CACNA1I: variants seen among roughly 807,000 people sequenced by gnomAD.
CACNA1I encodes the protein voltage-dependent T-type calcium channel subunit alpha-1I.
CACNA1I carries 74 observed loss-of-function variants against 201.6 expected under a neutral mutation model. The ratio of observed to expected loss-of-function variants is 0.37; its 90% CI spans 0.30 to 0.45. The LOEUF (loss-of-function observed/expected upper bound fraction) is 0.45, where lower values mean the gene tolerates loss of function less well. Ranked by LOEUF, CACNA1I falls within the 20% of genes least tolerant of loss-of-function variation. The probability of loss-of-function intolerance (pLI) is 1.00; values close to 1 mark genes in which losing one functional copy is unlikely to be tolerated. For missense variants in CACNA1I, 2,346 were observed against 3,138.1 expected (o/e 0.75, Z 6.03); for synonymous variants, 1,431 against 1,345.2 (o/e 1.06, Z -1.40).
chr22:39,687,384 C>G lies in CACNA1I; in HGVS notation c.*979C>G, dbSNP rs1266659120. The G allele has an allele frequency of 6.6e-6, 1 of 152,330 alleles. No homozygotes were observed. The highest frequency in any genetic ancestry group is 1.5e-5 in the Non-Finnish European group (1 of 68,188). 9.4% of individuals were successfully genotyped at this position (152,330 alleles called of 1,614,324 possible). A position where few individuals can be genotyped will look rare whatever the true frequency, so the allele number is the denominator to read the frequency against. On this transcript the variant is annotated 3_prime_UTR_variant, in exon 37 of 37. Coordinates refer to ENST00000402142, the MANE Select transcript of CACNA1I (RefSeq NM_021096.4). Reference sequence around the variant, plus strand: ...GCTGGCTCCAGCTGCCCTGCAGGTGCCCCTGGGCTCAGGTAGTTAGTTGTT... The same window carrying G: ...GCTGGCTCCAGCTGCCCTGCAGGTGGCCCTGGGCTCAGGTAGTTAGTTGTT...
At chr22:39,619,225 C>T in intron 3 of CACNA1I, 85 bp from the exon 4 acceptor site, 1 of 989,648 alleles carries the variant, frequency 1.0e-6, no homozygotes, top group South Asian at 1.3e-5. Flanking sequence ...CAGTAGTGCG[C>T]AGGTGGCTGG....
At position 39,686,206 on chromosome 22, in the gene CACNA1I, G is replaced by A; in HGVS notation, c.6473G>A (p.Ser2158Asn). The A allele has an allele frequency of 7.9e-7, 1 of 1,259,040 alleles. No homozygotes were observed. Among genetic ancestry groups the A allele is most frequent in the Non-Finnish European group, 1.0e-6 (1 of 1,003,988 alleles). The allele number at this position is 1,259,040 out of a possible 1,614,324, so 78.0% of individuals were successfully genotyped here. A position where few individuals can be genotyped will look rare whatever the true frequency, so the allele number is the denominator to read the frequency against. The change falls in exon 37 of 37, where the codon AGC becomes AAC. Residue 2158 changes from serine to asparagine, a missense_variant. Physicochemically the swap from Ser to Asn is conservative, Grantham distance 46 (BLOSUM62 1). This residue lies in a region of CACNA1I where 187 missense variants were observed against 151.0 expected (regional missense o/e 1.24). Coordinates refer to ENST00000402142, the MANE Select transcript of CACNA1I (RefSeq NM_021096.4). ...TPARKFSSTS[S>N]LAAPGRPHAA... Reference sequence around the variant, plus strand: ...GCCAGGAAGTTCAGCAGCACCAGCAGCCTGGCCGCCCCCGGCCGCCCCCAC... The same window carrying A: ...GCCAGGAAGTTCAGCAGCACCAGCAACCTGGCCGCCCCCGGCCGCCCCCAC...
intron 16 of CACNA1I, 145 bp downstream of exon 16, chr22:39,661,455 G>A (rs1935011434): frequency 4.8e-6 from 3 of 622,266 alleles, no homozygotes; most frequent in Middle Eastern, 8.7e-4. Flanking sequence ...GCATTCCTGG[G>A]TGCCCAGTGC....
rs747940193 is a variant in CACNA1I at position 39,600,663 on chromosome 22, G to A, written c.482+10G>A. 38 of 1,593,012 alleles carry A rather than the reference G, an allele frequency of 2.4e-5. No homozygotes were observed. The highest frequency in any genetic ancestry group is 8.0e-5 in the South Asian group (7 of 87,332). On this transcript the variant is annotated intron_variant, in intron 3 of 36. Transcript: ENST00000402142. ...TCATCGTCATGGCAGGGTAGGTAGC[G>A]CCCGCCAGGCAGGTCCTAGCCTCTG...
intron 3 of CACNA1I, among the ~76,000 whole-genome samples, chr22:39,609,617 G>A (rs1933325248): frequency 6.6e-6 from 1 of 152,182 alleles, no homozygotes; most frequent in Admixed American, 6.5e-5. Flanking sequence ...TTTCTTTCCG[G>A]GATCCTTCCC....
chr22:39,674,138 C>A, intron 29 of CACNA1I, 105 bp downstream of exon 29: 2 of 1,060,480 alleles, frequency 1.9e-6, no homozygotes, highest in South Asian at 1.4e-5. Context: ...CTGCCAGAGC[C>A]AGGGCAGATG....
intron 1 of CACNA1I, among the ~76,000 whole-genome samples, chr22:39,586,380 C>G (rs948532599): frequency 6.6e-6 from 1 of 151,880 alleles, no homozygotes; most frequent in Non-Finnish European, 1.5e-5. Context: ...TAGTCCCAGA[C>G]ACTTGGGAAG....
At chr22:39,669,117 C>A (rs1398176880) in intron 24 of CACNA1I, among the ~76,000 whole-genome samples, 2 of 152,134 alleles carry the variant, frequency 1.3e-5, no homozygotes, top group Non-Finnish European at 2.9e-5. Context: ...TGTGTCCAGA[C>A]TGAGGGGGTC....
chr22:39,646,694 G>A lies in CACNA1I; in HGVS notation c.1275G>A (p.Val425=). 6.3e-7 allele frequency: 1 copy of A among 1,591,340 alleles called. No homozygotes were observed. The highest frequency in any genetic ancestry group is 1.3e-5 in the African/African-American group (1 of 74,530). The change falls in exon 8 of 37, where the codon GTG becomes GTA. Residue 425 remains valine, a synonymous_variant. Coordinates refer to ENST00000402142, the MANE Select transcript of CACNA1I (RefSeq NM_021096.4). ...QRQRYLSSST[V]ASYAEPGDCY... ...AGCGCTACCTGTCCTCCAGCACGGT[G>A]GCCAGCTACGCCGAGCCTGGCGACT... is the stretch of plus-strand genomic sequence containing the variant.
Position 39,676,128 on chromosome 22 carries a change from G to T in CACNA1I, c.4855-1213G>T, listed in dbSNP as rs913548981. 2.0e-5 allele frequency among the ~76,000 whole-genome samples: 3 copies of T among 152,212 alleles called. No homozygotes were observed. Among genetic ancestry groups the T allele is most frequent in the Non-Finnish European group, 4.4e-5 (3 of 68,040 alleles). Reference sequence around the variant, plus strand: ...TGCCGGCTCTGAGATGCTGACAGCAGGGAGGGGACAGATAGAAAAGCTGAC... The same window carrying T: ...TGCCGGCTCTGAGATGCTGACAGCATGGAGGGGACAGATAGAAAAGCTGAC... On this transcript the variant is annotated intron_variant, in intron 29 of 36. Transcript: ENST00000402142. The surrounding 1 kb of genome is among the most constrained non-coding windows in gnomAD (Gnocchi z 4.8).
intron 7 of CACNA1I, among the ~76,000 whole-genome samples, chr22:39,645,936 G>A (rs1387364253): frequency 1.3e-5 from 2 of 152,216 alleles, no homozygotes; most frequent in Non-Finnish European, 2.9e-5. Context: ...TGGGGTCCCA[G>A]CTGAGGCCAG....
intron 1 of CACNA1I, among the ~76,000 whole-genome samples, chr22:39,586,547 T>C (rs1464466080): frequency 6.6e-5 from 10 of 150,810 alleles, no homozygotes; most frequent in Admixed American, 6.6e-4. Context: ...AAAAGGGGCT[T>C]GTGGCACAGA....
rs1240871922 is a variant in CACNA1I, at chr22:39,642,901, G to T, written c.1149+12G>T. ...TCCTGCTTATCATAGTAAGTGTCAG[G>T]GAGCCTGGGCTCCTAGGTGTGCTCA... On this transcript the variant is annotated intron_variant, in intron 7 of 36. Coordinates refer to ENST00000402142, the MANE Select transcript of CACNA1I (RefSeq NM_021096.4). The T allele has an allele frequency of 1.3e-6, 2 of 1,567,000 alleles. No homozygotes were observed. Among genetic ancestry groups the T allele is most frequent in the East Asian group, 4.5e-5 (2 of 44,040 alleles).
At position 39,570,974 on chromosome 22, in the gene CACNA1I, G is replaced by A. The variant is rs371813934; in HGVS notation, c.222G>A (p.Lys74=). The A allele has an allele frequency of 1.9e-6, 3 of 1,613,646 alleles. No homozygotes were observed. The highest frequency in any genetic ancestry group is 2.5e-6 in the Non-Finnish European group (3 of 1,179,820). ...QTTSPRNWCI[K]MVCNPWFECV... ...CCAGCCCCCGGAACTGGTGCATCAA[G>A]ATGGTGTGCAACCCATATCCTCCGC... The change falls in exon 1 of 37, where the codon AAG becomes AAA. Residue 74 remains lysine (K), a synonymous_variant. Coordinates refer to ENST00000402142, the MANE Select transcript of CACNA1I (RefSeq NM_021096.4).
intron 3 of CACNA1I, among the ~76,000 whole-genome samples, chr22:39,605,153 C>T (rs7288195): frequency 0.012 from 1,806 of 145,548 alleles, 34 homozygotes; most frequent in African/African-American, 0.043. Context: ...CCCGAGTAAC[C>T]GGCCTATTTG....
intron 1 of CACNA1I, among the ~76,000 whole-genome samples, chr22:39,588,946 G>C (rs2077859403): frequency 6.6e-6 from 1 of 152,210 alleles, no homozygotes; most frequent in African/African-American, 2.4e-5. Context: ...TCAGTTGCCT[G>C]TCCTTTTCAT....
chr22:39,638,132 G>A (rs1023879608), intron 5 of CACNA1I, among the ~76,000 whole-genome samples: 2 of 152,214 alleles, frequency 1.3e-5, no homozygotes, highest in African/African-American at 2.4e-5. Flanking sequence ...TAGAGATGGG[G>A]TTTTGCCATG....
In CACNA1I at chr22:39,681,040, C is replaced by A; in HGVS notation, c.5652C>A (p.Arg1884=). ...ACCCCACAGCCTGCCCACCTGGCCG[C>A]AAAGACAGCAAGGTCAGCTCCCCTG... The part of the protein sequence containing the change: ...LEDPTACPPG[R]KDSKGELDPP... Residue 1884 remains arginine, a synonymous_variant, in exon 34 of 37, where the codon CGC becomes CGA. Coordinates refer to ENST00000402142, the MANE Select transcript of CACNA1I (RefSeq NM_021096.4). 1 of 1,609,616 alleles carries A rather than the reference C, an allele frequency of 6.2e-7. No individual in the cohort carries two copies. Among genetic ancestry groups the A allele is most frequent in the East Asian group, 2.2e-5 (1 of 44,788 alleles).
intron 1 of CACNA1I, among the ~76,000 whole-genome samples, chr22:39,580,418 C>T (rs1932509882): frequency 2.0e-5 from 3 of 152,202 alleles, no homozygotes; most frequent in Admixed American, 2.0e-4. Context: ...GAGCCTGACC[C>T]CCAGGGCAAC....
Sources: allele counts gnomAD v4.1 joint callset (sites outside exome capture counted in the v4.1 genomes callset), GRCh38; gene constraint gnomAD v4.1.1; regional missense constraint gnomAD v4.1.1; non-coding constraint Gnocchi (gnomAD v3.1); transcripts MANE v1.5; gene names NCBI Gene and HGNC (gene_info 2026-07-23, HGNC 2026-07-21).